The following CDC42SE2 variants were observed in gnomAD, a reference collection of about 807,000 sequenced individuals.
The protein encoded by CDC42SE2 is CDC42 small effector 2.
CDC42SE2 carries 3 observed loss-of-function variants against 11.5 expected under a neutral mutation model. The ratio of observed to expected loss-of-function variants is 0.26; its 90% confidence interval spans 0.12 to 0.67. CDC42SE2 has a LOEUF of 0.67. Among genes scored for constraint, CDC42SE2 ranks in the 30% least tolerant of loss-of-function variants. The probability of loss-of-function intolerance (pLI) is 0.80; values close to 1 mark genes in which losing one functional copy is unlikely to be tolerated. For synonymous variants in CDC42SE2, 33 were observed against 34.8 expected, an observed-to-expected ratio of 0.95 and a Z score of 0.18; for missense variants, 82 against 106.8, an observed-to-expected ratio of 0.77 and a Z score of 1.02.
intron 2 of CDC42SE2, among the ~76,000 whole-genome samples, chr5:131,340,789 T>G (rs920724188): frequency 6.6e-6 from 1 of 152,054 alleles, no homozygotes; most frequent in Admixed American, 6.6e-5. Context: ...GCGATTCTTG[T>G]GCCTCAGCCT....
At chr5:131,267,300 G>T (rs866290444) in intron 1 of CDC42SE2, among the ~76,000 whole-genome samples, 3 of 151,686 alleles carry the variant, frequency 2.0e-5, no homozygotes, top group Non-Finnish European at 2.9e-5. Context: ...CTCGTGATCT[G>T]CCCTCCTTGG....
At chr5:131,254,083 G>A (rs1756661151) in intron 1 of CDC42SE2, among the ~76,000 whole-genome samples, 1 of 152,054 alleles carries the variant, frequency 6.6e-6, no homozygotes, top group Non-Finnish European at 1.5e-5. Flanking sequence ...TGTGCACAAC[G>A]TGCGGGTTTG....
chr5:131,235,836 C>T, the CDC42SE2 span, among the ~76,000 whole-genome samples: 7 of 151,918 alleles, frequency 4.6e-5, no homozygotes, highest in Admixed American at 3.9e-4. Flanking sequence ...CTGGTGGATC[C>T]GCCTGCCTCA....
chr5:131,287,874 T>C (rs2149707073), intron 1 of CDC42SE2, among the ~76,000 whole-genome samples: 1 of 152,342 alleles, frequency 6.6e-6, no homozygotes, highest in South Asian at 2.1e-4. Context: ...GTTGGGCTTT[T>C]ATAGAATTGA....
chr5:131,246,112 G>A (rs1484652163), intron 1 of CDC42SE2, among the ~76,000 whole-genome samples: 1 of 152,140 alleles, frequency 6.6e-6, no homozygotes, highest in East Asian at 1.9e-4. Context: ...CTTTCCCTGA[G>A]GACTTTGGGT....
intron 4 of CDC42SE2, among the ~76,000 whole-genome samples, chr5:131,390,427 G>A (rs1305812964): frequency 1.3e-5 from 2 of 152,188 alleles, no homozygotes; most frequent in African/African-American, 4.8e-5. Context: ...GCTCATGCCT[G>A]TAATCGCAGC....
intron 2 of CDC42SE2, among the ~76,000 whole-genome samples, chr5:131,325,791 A>G (rs1272720842): frequency 6.6e-6 from 1 of 152,196 alleles, no homozygotes; most frequent in Non-Finnish European, 1.5e-5. Flanking sequence ...ACTATTCCAT[A>G]TATCTCTTCT....
At chr5:131,241,613 T>C (rs1756541288), upstream of CDC42SE2, among the ~76,000 whole-genome samples, 1 of 152,046 alleles carries the variant, frequency 6.6e-6, no homozygotes, top group South Asian at 2.1e-4. Context: ...TCTTTCCCCT[T>C]TATTGAGCAC....
intron 2 of CDC42SE2, among the ~76,000 whole-genome samples, chr5:131,258,043 T>C (rs1756692381): frequency 6.6e-6 from 1 of 152,146 alleles, no homozygotes; most frequent in Non-Finnish European, 1.5e-5. Context: ...CACTCCCTCT[T>C]GTTATCTGCC....
chr5:131,312,544 T>C (rs1416045465), intron 1 of CDC42SE2, among the ~76,000 whole-genome samples: 1 of 152,214 alleles, frequency 6.6e-6, no homozygotes, highest in African/African-American at 2.4e-5. Context: ...CCAGCCTGGC[T>C]GCTGCCTTGC....
the CDC42SE2 span, among the ~76,000 whole-genome samples, chr5:131,215,727 A>C: frequency 1.3e-5 from 2 of 152,238 alleles, no homozygotes; most frequent in Admixed American, 6.5e-5. Context: ...CTAGAAAAGG[A>C]ACTCAGTGGA....
chr5:131,248,433 G>C (rs375959574), intron 1 of CDC42SE2, among the ~76,000 whole-genome samples: 1 of 152,224 alleles, frequency 6.6e-6, no homozygotes, highest in African/African-American at 2.4e-5. Context: ...CACCATGCCC[G>C]GCAGAAGCAT....
At chr5:131,337,988 G>C (rs961645907) in intron 2 of CDC42SE2, among the ~76,000 whole-genome samples, 1 of 152,250 alleles carries the variant, frequency 6.6e-6, no homozygotes, top group Non-Finnish European at 1.5e-5. Context: ...GCACTCCCCA[G>C]TGAGATGAAC....
At chr5:131,269,346 T>A (rs1273313739) in intron 1 of CDC42SE2, among the ~76,000 whole-genome samples, 1 of 152,226 alleles carries the variant, frequency 6.6e-6, no homozygotes, top group Non-Finnish European at 1.5e-5. Flanking sequence ...TCATATTAAA[T>A]CTAGGTACCT....
At chr5:131,307,651 C>T (rs1173337052) in intron 1 of CDC42SE2, among the ~76,000 whole-genome samples, 1 of 152,134 alleles carries the variant, frequency 6.6e-6, no homozygotes, top group Non-Finnish European at 1.5e-5. Flanking sequence ...CACTGACTTC[C>T]ACAATGGTTG....
chr5:131,332,187 A>C (rs897172422), intron 2 of CDC42SE2, among the ~76,000 whole-genome samples: 4 of 151,998 alleles, frequency 2.6e-5, no homozygotes, highest in African/African-American at 9.7e-5. Context: ...CTCATTGTTC[A>C]ATTCCCACCT....
chr5:131,211,390 T>G, the CDC42SE2 span, among the ~76,000 whole-genome samples: 1 of 152,256 alleles, frequency 6.6e-6, no homozygotes, highest in East Asian at 1.9e-4. Flanking sequence ...CGCAGTGATT[T>G]GTTTAATTTT....
In CDC42SE2 at chr5:131,393,817, GTTTTTTTTTTTTT is replaced by G. The variant is rs71000990; in HGVS notation, c.*2740_*2752del. ...GATTTTAGTCTTTTTCCAAATCGCT[GTTTTTTTTTTTTT>G]TTTTTTTTTTTTTGCTGCTCCAACG... On this transcript the variant is annotated 3_prime_UTR_variant, in exon 5 of 5. Coordinates refer to ENST00000505065, the MANE Select transcript of CDC42SE2 (RefSeq NM_001375635.1). 6.7e-5 allele frequency: 8 copies of G among 118,706 alleles called. No homozygotes were observed. Among genetic ancestry groups the G allele is most frequent in the African/African-American group, 2.5e-4 (7 of 28,390 alleles). 7.4% of individuals were successfully genotyped at this position (118,706 alleles called of 1,614,324 possible).
At chr5:131,230,789 G>A in the CDC42SE2 span, among the ~76,000 whole-genome samples, 2 of 152,110 alleles carry the variant, frequency 1.3e-5, no homozygotes, top group Admixed American at 6.6e-5. Flanking sequence ...GTCTTCCAAG[G>A]GGTTTATCGT....
Sources: allele counts gnomAD v4.1 joint callset (sites outside exome capture counted in the v4.1 genomes callset), GRCh38; gene constraint gnomAD v4.1.1; transcripts MANE v1.5; gene names NCBI Gene and HGNC (gene_info 2026-07-23, HGNC 2026-07-21).